SPTBN1: variants seen among roughly 807,000 people sequenced by gnomAD.
SPTBN1 encodes the protein spectrin beta, non-erythrocytic 1.
A neutral mutation model predicts 266.4 loss-of-function variants in SPTBN1; 32 were observed. The observed-to-expected ratio is 0.12, with a 90% CI of 0.09 to 0.16. SPTBN1 has a LOEUF of 0.16. Among genes scored for constraint, SPTBN1 ranks in the 10% least tolerant of loss-of-function variants. The probability of loss-of-function intolerance (pLI) is 1.00; values close to 1 mark genes in which losing one functional copy is unlikely to be tolerated. For missense variants in SPTBN1, 2,296 were observed against 3,067.1 expected (o/e 0.75, Z 5.94); for synonymous variants, 1,336 against 1,162.2 (o/e 1.15, Z -3.04).
chr2:54,612,391 A>G (rs1677275906), intron 4 of SPTBN1, 57 bp downstream of exon 4: 2 of 1,542,744 alleles, frequency 1.3e-6, no homozygotes, highest in Non-Finnish European at 8.8e-7. Flanking sequence ...AGGTATGAGC[A>G]TTGTTATAGA....
At chr2:54,650,592 C>G (rs960486217) in intron 26 of SPTBN1, among the ~76,000 whole-genome samples, 1 of 152,116 alleles carries the variant, frequency 6.6e-6, no homozygotes, top group African/African-American at 2.4e-5. Flanking sequence ...TTTCATGGCC[C>G]TAGAGAAGAA....
chr2:54,640,983 A>G (rs1453304769), intron 18 of SPTBN1, among the ~76,000 whole-genome samples: 2 of 152,236 alleles, frequency 1.3e-5, no homozygotes, highest in African/African-American at 4.8e-5. Context: ...GGAAGGCAGT[A>G]TATCTACATG....
At chr2:54,652,877 T>TTTTCTTTCTTTCTTTC (rs71408781) in intron 26 of SPTBN1, 26 of 151,066 alleles carry the variant, frequency 1.7e-4, no homozygotes, top group African/African-American at 6.3e-4. Flanking sequence ...GGTTTTTTTC[T>TTTTCTTTCTTTCTTTC]TTTCTTTCTT....
chr2:54,582,321 A>G (rs1674978384), intron 2 of SPTBN1, among the ~76,000 whole-genome samples: 1 of 152,054 alleles, frequency 6.6e-6, no homozygotes, highest in East Asian at 1.9e-4. Flanking sequence ...GTGGTGCCTG[A>G]GAGCAGGGAC....
chr2:54,536,359 A>G (rs1270951526), intron 2 of SPTBN1, among the ~76,000 whole-genome samples: 5 of 152,236 alleles, frequency 3.3e-5, no homozygotes, highest in Admixed American at 2.0e-4. Context: ...GCAGCTCTCT[A>G]GAATTTTATT....
At chr2:54,511,709 C>A (rs1669865054) in intron 1 of SPTBN1, among the ~76,000 whole-genome samples, 1 of 151,872 alleles carries the variant, frequency 6.6e-6, no homozygotes, top group African/African-American at 2.4e-5. Context: ...ACTAAAAATA[C>A]AAAAATTAGC....
chr2:54,556,764 A>C (rs1292650747), intron 2 of SPTBN1, among the ~76,000 whole-genome samples: 1 of 152,074 alleles, frequency 6.6e-6, no homozygotes, highest in Non-Finnish European at 1.5e-5. Flanking sequence ...AAAGTATGAT[A>C]ATTTTTAGAA....
intron 1 of SPTBN1, among the ~76,000 whole-genome samples, chr2:54,472,332 A>AT (rs919228242): frequency 6.6e-6 from 1 of 151,892 alleles, no homozygotes; most frequent in African/African-American, 2.4e-5. Context: ...CAGCCTGAAG[A>AT]TTTTTTTTAA....
chr2:54,542,963 G>A (rs1386915653), intron 2 of SPTBN1, among the ~76,000 whole-genome samples: 1 of 152,182 alleles, frequency 6.6e-6, no homozygotes, highest in Non-Finnish European at 1.5e-5. Flanking sequence ...GCTCATATTT[G>A]TCTGTATTCT....
intron 16 of SPTBN1, 112 bp downstream of exon 16, chr2:54,631,723 G>C: frequency 7.4e-7 from 1 of 1,346,482 alleles, no homozygotes; most frequent in Non-Finnish European, 1.0e-6. Context: ...GAATTATATG[G>C]ATAATTTAGA....
chr2:54,629,061 T>C lies in SPTBN1; in HGVS notation c.1927T>C (p.Phe643Leu). 6.2e-7 allele frequency: 1 copy of C among 1,613,818 alleles called. No homozygotes were observed. Among genetic ancestry groups the C allele is most frequent in the Non-Finnish European group, 8.5e-7 (1 of 1,179,986 alleles). The change falls in exon 14 of 36, where the codon TTC (phenylalanine) becomes CTC (leucine). Residue 643 changes from phenylalanine to leucine, a missense_variant. Around this residue, in one of 12 missense-constraint regions of SPTBN1, gnomAD observed 434 missense variants for 573.9 expected, o/e 0.76. Coordinates refer to ENST00000356805, the MANE Select transcript of SPTBN1 (RefSeq NM_003128.3). Reference protein sequence around the residue: ...RLEESRRLWKFFWEMAEEEGW... With the variant: ...RLEESRRLWKLFWEMAEEEGW... ...GGAAGAGTCCCGCCGCCTCTGGAAG[T>C]TCTTCTGGGAGATGGCAGAAGAGGA...
intron 3 of SPTBN1, among the ~76,000 whole-genome samples, chr2:54,602,092 C>T (rs1676535468): frequency 6.6e-6 from 1 of 152,162 alleles, no homozygotes; most frequent in African/African-American, 2.4e-5. Context: ...AGAGCTGGGC[C>T]AGGAAGCTTC....
At chr2:54,490,991 G>T (rs371841144) in intron 1 of SPTBN1, among the ~76,000 whole-genome samples, 37 of 152,170 alleles carry the variant, frequency 2.4e-4, no homozygotes, top group African/African-American at 8.4e-4. Flanking sequence ...AGTGAGGAGG[G>T]TGGTGAAACA....
chr2:54,587,890 A>G (rs1401840963), intron 2 of SPTBN1, among the ~76,000 whole-genome samples: 1 of 152,174 alleles, frequency 6.6e-6, no homozygotes, highest in East Asian at 1.9e-4. Context: ...TGACATGTGG[A>G]TATCACTTAC....
At position 54,487,170 on chromosome 2, in the gene SPTBN1, CTT is replaced by C. The variant is rs34779689; in HGVS notation, c.-48+30671_-48+30672del. Among the ~76,000 whole-genome samples, 108 of 98,568 alleles carry C rather than the reference CTT, an allele frequency of 1.1e-3. 2 individuals are homozygous for C. The highest frequency in any genetic ancestry group is 8.7e-3 in the South Asian group (26 of 3,000). 64.7% of individuals were successfully genotyped at this position (98,568 alleles called of 152,430 possible). A position where few individuals can be genotyped will look rare whatever the true frequency, so the allele number is the denominator to read the frequency against. Reference sequence around the variant, plus strand: ...TTTTCTGATTTCCTCATTAGGATTTCTTTTTTTTTTTTTTTTTTTTGCTGCTT... The same window carrying C: ...TTTTCTGATTTCCTCATTAGGATTTCTTTTTTTTTTTTTTTTTTGCTGCTT... On this transcript the variant is annotated intron_variant, in intron 1 of 35. Coordinates refer to ENST00000356805, the MANE Select transcript of SPTBN1 (RefSeq NM_003128.3).
At chr2:54,486,150 C>T (rs1668370222) in intron 1 of SPTBN1, among the ~76,000 whole-genome samples, 1 of 138,180 alleles carries the variant, frequency 7.2e-6, no homozygotes, top group Non-Finnish European at 1.6e-5. Context: ...GTGAGGGGCG[C>T]CTCTGCCCGG....
chr2:54,544,857 A>AT (rs1281953323), intron 2 of SPTBN1, among the ~76,000 whole-genome samples: 1 of 152,086 alleles, frequency 6.6e-6, no homozygotes, highest in Non-Finnish European at 1.5e-5. Context: ...TACATGTGCC[A>AT]TGTTGGTTTG....
intron 2 of SPTBN1, among the ~76,000 whole-genome samples, chr2:54,589,991 T>C (rs1194464684): frequency 3.9e-5 from 6 of 152,268 alleles, no homozygotes; most frequent in Admixed American, 3.9e-4. Flanking sequence ...CTTGTGACAA[T>C]TGACCTGATT....
intron 17 of SPTBN1, among the ~76,000 whole-genome samples, chr2:54,636,379 T>C (rs1242289185): frequency 6.6e-6 from 1 of 152,234 alleles, no homozygotes; most frequent in East Asian, 1.9e-4. Context: ...TATGATGTTA[T>C]AACATGTAAA....
Sources: gnomAD v4.1 joint callset for allele counts (sites outside exome capture counted in the v4.1 genomes callset) on GRCh38, gnomAD v4.1.1 for gene constraint, gnomAD v4.1.1 regional missense constraint, MANE v1.5 for transcripts, NCBI Gene and HGNC (gene_info 2026-07-23, HGNC 2026-07-21) for gene names.